The following AGAP6 variants were observed in gnomAD, a reference collection of about 807,000 sequenced individuals.
AGAP6 encodes the protein arf-GAP with GTPase, ANK repeat and PH domain-containing protein 6.
AGAP6 carries 29 observed loss-of-function variants against 63.9 expected under a neutral mutation model. The ratio of observed to expected loss-of-function variants is 0.45; its 90% CI spans 0.34 to 0.62. The LOEUF (loss-of-function observed/expected upper bound fraction) is 0.62, where lower values mean the gene tolerates loss of function less well. Among genes scored for constraint, AGAP6 ranks in the 20% least tolerant of loss-of-function variants. The probability of loss-of-function intolerance (pLI) is 0.01; values close to 1 mark genes in which losing one functional copy is unlikely to be tolerated. For synonymous variants in AGAP6, 199 were observed against 332.9 expected (o/e 0.60, Z 4.38); for missense variants, 493 against 884.9 (o/e 0.56, Z 5.62).
chr10:50,006,567 G>C (rs1396797742), intron 6 of AGAP6, among the ~76,000 whole-genome samples: 1 of 152,126 alleles, frequency 6.6e-6, no homozygotes, highest in African/African-American at 2.4e-5. Flanking sequence ...GACAGTGACA[G>C]GGTTTCGTTA....
intron 3 of AGAP6, 149 bp downstream of exon 3, chr10:49,991,893 T>C (rs577747041): frequency 0.039 from 49,924 of 1,285,246 alleles, 1,072 homozygotes; most frequent in Non-Finnish European, 0.047. Context: ...TGATATACTT[T>C]CCTTTAGTTG....
In AGAP6 at chr10:50,009,732, T is replaced by G. The variant is rs531472394; in HGVS notation, c.1607T>G (p.Val536Gly). 8.4e-5 allele frequency: 136 copies of G among 1,613,974 alleles called. 1 individual carries two copies. Among genetic ancestry groups the G allele is most frequent in the South Asian group, 2.6e-4 (24 of 91,074 alleles). The change falls in exon 8 of 8, where the codon GTC becomes GGC. Residue 536 changes from valine to glycine, a missense_variant. Around this residue, in one of 7 missense-constraint regions of AGAP6, gnomAD observed 87 missense variants for 92.9 expected, o/e 0.94. Coordinates refer to ENST00000412531, the MANE Select transcript of AGAP6 (RefSeq NM_001077665.3). ...VELRKVMSSI[V>G]NDLANSIWEG... Reference sequence around the variant, plus strand: ...CTCAGGAAGGTTATGTCATCTATTGTCAATGACCTAGCCAACAGCATCTGG... The same window carrying G: ...CTCAGGAAGGTTATGTCATCTATTGGCAATGACCTAGCCAACAGCATCTGG...
chr10:49,994,028 G>T (rs1340471215), intron 3 of AGAP6, among the ~76,000 whole-genome samples: 1 of 152,134 alleles, frequency 6.6e-6, no homozygotes, highest in Non-Finnish European at 1.5e-5. Context: ...GATAATTAAA[G>T]TAAGCTATGT....
chr10:49,999,090 T>C lies in AGAP6; in HGVS notation c.397-2906T>C, dbSNP rs1374030912. On this transcript the variant is annotated intron_variant, in intron 4 of 7. Transcript: ENST00000412531. ...CCATCTCTACTAAAAATACAAAAGT[T>C]AGCCGGGTGTGGTGGCGCTCACCTG... 1.5e-5 allele frequency among the ~76,000 whole-genome samples: 2 copies of C among 136,304 alleles called. 1 individual carries two copies. The highest frequency in any genetic ancestry group is 4.8e-4 in the East Asian group (2 of 4,162). The allele number at this position is 136,304 out of a possible 152,430, so 89.4% of individuals were successfully genotyped here. A position where few individuals can be genotyped will look rare whatever the true frequency, so the allele number is the denominator to read the frequency against.
intron 3 of AGAP6, among the ~76,000 whole-genome samples, chr10:49,992,999 T>A (rs1464254315): frequency 2.0e-5 from 3 of 152,020 alleles, no homozygotes; most frequent in African/African-American, 7.3e-5. Flanking sequence ...TGACCTCAAG[T>A]GATCTACCCG....
In AGAP6 at chr10:50,009,942, T is replaced by G; in HGVS notation, c.1817T>G (p.Leu606Arg). The G allele has an allele frequency of 6.2e-7, 1 of 1,612,202 alleles. No homozygotes were observed. Among genetic ancestry groups the G allele is most frequent in the Non-Finnish European group, 8.5e-7 (1 of 1,179,872 alleles). ...ADEDLQTAILLLAHGSCEEVN... is the reference protein window; with the variant it reads ...ADEDLQTAILRLAHGSCEEVN... Reference sequence around the variant, plus strand: ...GAGGACCTGCAGACAGCCATCCTGCTGCTGGCACATGGCTCCTGTGAGGAG... The same window carrying G: ...GAGGACCTGCAGACAGCCATCCTGCGGCTGGCACATGGCTCCTGTGAGGAG... The change falls in exon 8 of 8, where the codon CTG (leucine) becomes CGG (arginine). Residue 606 changes from leucine to arginine, a missense_variant. This residue lies in a region of AGAP6 where 34 missense variants were observed against 82.7 expected (regional missense o/e 0.41). Coordinates refer to ENST00000412531, the MANE Select transcript of AGAP6 (RefSeq NM_001077665.3).
intron 2 of AGAP6, 62 bp from the exon 3 acceptor site, chr10:49,991,614 C>T (rs1380396036): frequency 1.3e-5 from 20 of 1,588,788 alleles, no homozygotes; most frequent in Middle Eastern, 2.2e-4. Context: ...GTCGAATAAA[C>T]GAGTTGATAA....
intron 3 of AGAP6, among the ~76,000 whole-genome samples, chr10:49,993,028 C>T (rs1271263938): frequency 2.0e-5 from 3 of 152,174 alleles, no homozygotes; most frequent in Admixed American, 1.3e-4. Flanking sequence ...TCCCAAAGTG[C>T]TGGGATTACA....
Position 50,009,645 on chromosome 10 carries a change from G to T in AGAP6, c.1520G>T (p.Arg507Leu), listed in dbSNP as rs199841016. 16 of 1,613,708 alleles carry T rather than the reference G, an allele frequency of 9.9e-6. No homozygotes were observed. The African/African-American group carries it at 1.3e-4, about 13-fold the overall frequency. ...LMCIECSGIH[R>L]SLGPHLSRVR... Reference sequence around the variant, plus strand: ...TGTATTGAATGCTCAGGTATCCACCGCAGTCTTGGCCCCCACCTTTCCCGT... The same window carrying T: ...TGTATTGAATGCTCAGGTATCCACCTCAGTCTTGGCCCCCACCTTTCCCGT... Residue 507 changes from arginine (R) to leucine (L), a missense_variant, in exon 8 of 8, where the codon CGC (arginine) becomes CTC (leucine). By Grantham distance (102) the Arg-to-Leu change is moderately radical (BLOSUM62 -2). Transcript: ENST00000412531.
At position 49,988,746 on chromosome 10, in the gene AGAP6, C is replaced by G; in HGVS notation, c.31C>G (p.Pro11Ala). MGNILTCRVH[P>A]SVSLEFDQQQ... ...GAACATACTGACCTGTCGTGTGCAC[C>G]CTAGCGTCAGCCTCGAGTTTGACCA... Residue 11 changes from proline (P) to alanine (A), a missense_variant, in exon 1 of 8, where the codon CCT becomes GCT. This residue lies in a region of AGAP6 where 342 missense variants were observed against 533.4 expected (regional missense o/e 0.64). Transcript: ENST00000412531. 6.3e-7 allele frequency: 1 copy of G among 1,592,022 alleles called. No individual in the cohort carries two copies. Among genetic ancestry groups the G allele is most frequent in the Non-Finnish European group, 8.5e-7 (1 of 1,176,310 alleles).
chr10:49,993,918 C>A (rs1452252015), intron 3 of AGAP6, among the ~76,000 whole-genome samples: 1 of 151,940 alleles, frequency 6.6e-6, no homozygotes, highest in South Asian at 2.1e-4. Flanking sequence ...TAGTAGATAA[C>A]CACTAAGTGT....
chr10:49,996,420 G>A (rs1186899330), intron 4 of AGAP6, among the ~76,000 whole-genome samples: 1 of 152,024 alleles, frequency 6.6e-6, no homozygotes, highest in Non-Finnish European at 1.5e-5. Flanking sequence ...AGCCTGACTA[G>A]CTTTTCATTT....
Position 49,988,689 on chromosome 10 carries a change from G to C in AGAP6, c.-27G>C. 1 of 1,581,500 alleles carries C rather than the reference G, an allele frequency of 6.3e-7. No homozygotes were observed. The highest frequency in any genetic ancestry group is 1.1e-5 in the South Asian group (1 of 89,390). ...GGCCAAAGCTGTGAGCAGAGGCACA[G>C]GTGGTGGCAGACAGTAGAGGCGCCC... On this transcript the variant is annotated 5_prime_UTR_variant, in exon 1 of 8. Coordinates refer to ENST00000412531, the MANE Select transcript of AGAP6 (RefSeq NM_001077665.3).
At chr10:49,994,673 T>A (rs1247711889) in intron 4 of AGAP6, among the ~76,000 whole-genome samples, 1 of 152,220 alleles carries the variant, frequency 6.6e-6, no homozygotes, top group African/African-American at 2.4e-5. Context: ...TCAAAAGATC[T>A]GCCTTACGGC....
In AGAP6 at chr10:49,992,178, G is replaced by C. The variant is rs564148114; in HGVS notation, c.361+434G>C. Among the ~76,000 whole-genome samples, 48 of 151,856 alleles carry C rather than the reference G, an allele frequency of 3.2e-4. No individual in the cohort carries two copies. The Middle Eastern group carries it at 0.014, about 43-fold the overall frequency. On this transcript the variant is annotated intron_variant, in intron 3 of 7. Transcript: ENST00000412531. ...ACATAGTTGTTTATCATCAGGGATTGAATCTGTGATTTGGGCCTCCTCTTA... is the reference window on the plus strand; with the variant it reads ...ACATAGTTGTTTATCATCAGGGATTCAATCTGTGATTTGGGCCTCCTCTTA...
intron 3 of AGAP6, 137 bp downstream of exon 3, chr10:49,991,881 T>C (rs1179217979): frequency 9.6e-6 from 13 of 1,350,022 alleles, no homozygotes; most frequent in Non-Finnish European, 1.2e-5. Flanking sequence ...TATTTTAATA[T>C]GTGATATACT....
At chr10:50,002,800 TAATTC>T (rs1841761973) in intron 5 of AGAP6, among the ~76,000 whole-genome samples, 1 of 76,404 alleles carries the variant, frequency 1.3e-5, no homozygotes, top group Non-Finnish European at 2.5e-5. Context: ...CCTTTTTAAC[TAATTC>T]AATTGTCAAT....
At chr10:49,997,607 T>C (rs1201959396) in intron 4 of AGAP6, among the ~76,000 whole-genome samples, 6 of 152,198 alleles carry the variant, frequency 3.9e-5, no homozygotes, top group Admixed American at 6.5e-5. Context: ...TTATGTTTGC[T>C]GAGAAAAATG....
chr10:49,990,527 G>C (rs1441405275), intron 2 of AGAP6, among the ~76,000 whole-genome samples: 6 of 152,346 alleles, frequency 3.9e-5, no homozygotes, highest in South Asian at 4.1e-4. Context: ...CGGTAGAAAA[G>C]AGAAAACAAT....
Sources: gnomAD v4.1 joint callset for allele counts (sites outside exome capture counted in the v4.1 genomes callset) on GRCh38, gnomAD v4.1.1 for gene constraint, gnomAD v4.1.1 regional missense constraint, MANE v1.5 for transcripts, NCBI Gene and HGNC (gene_info 2026-07-23, HGNC 2026-07-21) for gene names.